Variants in CGNL1 observed in about 807,000 individuals in gnomAD.
The protein encoded by CGNL1 is cingulin like 1.
CGNL1 carries 132 observed loss-of-function variants against 141.2 expected under a neutral mutation model. The ratio of observed to expected loss-of-function variants is 0.93; its 90% confidence interval spans 0.81 to 1.08. CGNL1 has a LOEUF of 1.08. Ranked by LOEUF, CGNL1 falls within the 50% of genes least tolerant of loss-of-function variation. CGNL1 has a pLI of 0.00. For synonymous variants in CGNL1, 690 were observed against 622.1 expected (o/e 1.11, Z -1.63); for missense variants, 1,870 against 1,588.6 (o/e 1.18, Z -3.01).
intron 8 of CGNL1, among the ~76,000 whole-genome samples, chr15:57,473,109 T>C (rs1395729127): frequency 6.6e-6 from 1 of 152,120 alleles, no homozygotes; most frequent in Non-Finnish European, 1.5e-5. Context: ...GCCACAAGAA[T>C]TGGGTGGTGC....
intron 7 of CGNL1, among the ~76,000 whole-genome samples, chr15:57,460,794 T>C (rs1253240039): frequency 6.6e-6 from 1 of 152,054 alleles, no homozygotes; most frequent in East Asian, 1.9e-4. Flanking sequence ...CAAGATGAGA[T>C]TTGGGTGAGG....
chr15:57,519,915 C>T (rs1236665345), intron 10 of CGNL1, among the ~76,000 whole-genome samples: 1 of 152,242 alleles, frequency 6.6e-6, no homozygotes, highest in Admixed American at 6.5e-5. Flanking sequence ...AAGTGGTTCC[C>T]CTGCTGGGTA....
At chr15:57,525,633 C>T (rs1000177376) in intron 12 of CGNL1, among the ~76,000 whole-genome samples, 2 of 151,896 alleles carry the variant, frequency 1.3e-5, no homozygotes, top group Admixed American at 6.6e-5. Context: ...TGAACAGTGC[C>T]GAGAGCACCA....
chr15:57,441,392 A>G (rs1006404561), intron 3 of CGNL1, among the ~76,000 whole-genome samples: 1 of 151,974 alleles, frequency 6.6e-6, no homozygotes, highest in African/African-American at 2.4e-5. Flanking sequence ...TTTTTGGGAC[A>G]GAGTCTCACT....
In CGNL1 at chr15:57,518,450, G is replaced by C; in HGVS notation, c.2668G>C (p.Ala890Pro). 6.2e-7 allele frequency: 1 copy of C among 1,613,038 alleles called. No individual in the cohort carries two copies. The highest frequency in any genetic ancestry group is 8.5e-7 in the Non-Finnish European group (1 of 1,179,536). The change falls in exon 10 of 19, where the codon GCT becomes CCT. Residue 890 changes from alanine to proline, a missense_variant. By Grantham distance (27) the Ala-to-Pro change is conservative (BLOSUM62 -1). Transcript: ENST00000281282. ...GCACGCCAGAAAGGAAGAAAAAGAA[G>C]CTGTGTCAGCCAGAAGGGCCCTGGA... ...LVHARKEEKE[A>P]VSARRALENE...
rs778376692 is a variant in CGNL1, at chr15:57,543,743, A to G, written c.3339A>G (p.Gln1113=). Residue 1113 remains glutamine, a synonymous_variant, in exon 15 of 19, where the codon CAA becomes CAG. Coordinates refer to ENST00000281282, the MANE Select transcript of CGNL1 (RefSeq NM_032866.5). ...TACTTCAGGAGAGAGCTGCGAGACAAGACTTGGAGTGCGACAAGATTTCCC... is the reference window on the plus strand; with the variant it reads ...TACTTCAGGAGAGAGCTGCGAGACAGGACTTGGAGTGCGACAAGATTTCCC... ...NELLQERAAR[Q]DLECDKISLE... 3 of 1,614,118 alleles carry G rather than the reference A, an allele frequency of 1.9e-6. No homozygotes were observed. The highest frequency in any genetic ancestry group is 2.5e-6 in the Non-Finnish European group (3 of 1,179,996).
rs1726179872 is a variant in CGNL1 at position 57,376,548 on chromosome 15, G to GGGA, written c.-29_-27dup. 6.5e-6 allele frequency: 1 copy of GGGA among 152,880 alleles called. No individual in the cohort carries two copies. Among genetic ancestry groups the GGGA allele is most frequent in the Non-Finnish European group, 1.5e-5 (1 of 68,424 alleles). The allele number at this position is 152,880 out of a possible 1,614,324, so 9.5% of individuals were successfully genotyped here. ...GCTGGCTGCGGCGGGAGCTGGACGC[G>GGGA]GGAGGAGGCGGCGGCGGCGGTGAGT... On this transcript the variant is annotated 5_prime_UTR_variant, in exon 1 of 19. Transcript: ENST00000281282.
rs184246840 is a variant in CGNL1, at chr15:57,463,475, C to T, written c.2403+1583C>T. ...TATCAGTCTGTAAAAACGAAACAGG[C>T]GAAGTAGTCAAGACGTGTATCACTG... On this transcript the variant is annotated intron_variant, in intron 8 of 18. Coordinates refer to ENST00000281282, the MANE Select transcript of CGNL1 (RefSeq NM_032866.5). 8.5e-5 allele frequency among the ~76,000 whole-genome samples: 13 copies of T among 152,288 alleles called. No homozygotes were observed. In the East Asian group the frequency reaches 1.2e-3, roughly 14 times the overall value.
At chr15:57,410,077 A>C (rs1421744603) in intron 1 of CGNL1, among the ~76,000 whole-genome samples, 1 of 152,166 alleles carries the variant, frequency 6.6e-6, no homozygotes, top group Non-Finnish European at 1.5e-5. Context: ...TCACCACTTC[A>C]AGGAAGTGGA....
chr15:57,452,045 G>A (rs986195627), intron 5 of CGNL1, 96 bp from the exon 6 acceptor site: 7 of 1,061,016 alleles, frequency 6.6e-6, no homozygotes, highest in Non-Finnish European at 9.4e-6. Context: ...TAATGTAAGT[G>A]CAAAGATATG....
chr15:57,515,388 A>G (rs1399769837), intron 8 of CGNL1, among the ~76,000 whole-genome samples: 1 of 152,210 alleles, frequency 6.6e-6, no homozygotes, highest in African/African-American at 2.4e-5. Context: ...CTGTACTGTT[A>G]AGAGAAGTAA....
At chr15:57,476,370 T>G (rs1324709878) in intron 8 of CGNL1, among the ~76,000 whole-genome samples, 3 of 152,194 alleles carry the variant, frequency 2.0e-5, no homozygotes, top group African/African-American at 7.2e-5. Flanking sequence ...GAACACCTCT[T>G]TAGGGGTAAC....
chr15:57,540,664 A>T (rs748131905), intron 14 of CGNL1, among the ~76,000 whole-genome samples: 1 of 152,160 alleles, frequency 6.6e-6, no homozygotes, highest in Non-Finnish European at 1.5e-5. Context: ...GAATCTGGGC[A>T]GTCACCCAGT....
intron 8 of CGNL1, among the ~76,000 whole-genome samples, chr15:57,474,182 A>G (rs919640195): frequency 6.6e-6 from 1 of 152,028 alleles, no homozygotes; most frequent in South Asian, 2.1e-4. Flanking sequence ...AAGTTCTGGG[A>G]TTACAGGTGT....
At chr15:57,468,394 C>A (rs1039662594) in intron 8 of CGNL1, among the ~76,000 whole-genome samples, 23 of 151,886 alleles carry the variant, frequency 1.5e-4, no homozygotes, top group African/African-American at 5.6e-4. Context: ...CTGCACGCCA[C>A]CACACCTGGC....
At chr15:57,428,955 A>G (rs2063011761) in intron 1 of CGNL1, among the ~76,000 whole-genome samples, 1 of 152,028 alleles carries the variant, frequency 6.6e-6, no homozygotes, top group Non-Finnish European at 1.5e-5. Flanking sequence ...CCCAGGAGGC[A>G]GAGGTTGCAG....
At chr15:57,401,733 G>A (rs187148682) in intron 1 of CGNL1, among the ~76,000 whole-genome samples, 1 of 152,214 alleles carries the variant, frequency 6.6e-6, no homozygotes, top group Admixed American at 6.5e-5. Context: ...CGCATTCTGT[G>A]GTAAAGACTG....
In CGNL1 at chr15:57,544,466, G is replaced by T. The variant is rs745958907; in HGVS notation, c.3376-7G>T. 29 of 1,613,930 alleles carry T rather than the reference G, an allele frequency of 1.8e-5. 1 individual carries two copies. The South Asian group carries it at 2.7e-4, about 15-fold the overall frequency. On this transcript the variant is annotated splice_polypyrimidine_tract_variant and splice_region_variant and intron_variant, in intron 15 of 18. Transcript: ENST00000281282. ...TAGCCCCTCACAGTCTCCCTGTGTT[G>T]TTCCAGAACAAGGACTTAAAGAGCC... is the stretch of plus-strand genomic sequence containing the variant.
intron 1 of CGNL1, among the ~76,000 whole-genome samples, chr15:57,396,013 A>G (rs763796721): frequency 6.6e-6 from 1 of 152,188 alleles, no homozygotes; most frequent in Non-Finnish European, 1.5e-5. Flanking sequence ...TAAAAACAGA[A>G]TCATATTCAT....
Sources: gnomAD v4.1 joint callset for allele counts (sites outside exome capture counted in the v4.1 genomes callset) on GRCh38, gnomAD v4.1.1 for gene constraint, MANE v1.5 for transcripts, NCBI Gene and HGNC (gene_info 2026-07-23, HGNC 2026-07-21) for gene names.